TPST2: variants seen among roughly 807,000 people sequenced by gnomAD.
TPST2 encodes the protein tyrosylprotein sulfotransferase 2, also known as protein-tyrosine sulfotransferase 2.
Under a neutral mutation model 27.8 loss-of-function variants are expected in TPST2, and 16 were observed. The observed-to-expected ratio is 0.58, with a 90% CI of 0.39 to 0.88. TPST2 has a LOEUF of 0.88. TPST2 is among the 40% of genes least tolerant of loss of function. The pLI is 0.00. For synonymous variants in TPST2, 229 were observed against 231.7 expected (o/e 0.99, Z 0.10); for missense variants, 464 against 543.1 (o/e 0.85, Z 1.45).
At chr22:26,532,953 C>T (rs1925252554) in intron 4 of TPST2, among the ~76,000 whole-genome samples, 3 of 152,104 alleles carry the variant, frequency 2.0e-5, no homozygotes, top group Non-Finnish European at 4.4e-5. Context: ...AATGGAAATT[C>T]CTGTTCCCCT....
intron 6 of TPST2, among the ~76,000 whole-genome samples, chr22:26,526,923 C>CA (rs1924875207): frequency 6.6e-6 from 1 of 152,054 alleles, no homozygotes; most frequent in South Asian, 2.1e-4. Context: ...ACTAAAAATA[C>CA]AAAAATTAGC....
chr22:26,534,138 A>G (rs1279298531), intron 4 of TPST2, among the ~76,000 whole-genome samples: 1 of 152,098 alleles, frequency 6.6e-6, no homozygotes, highest in Non-Finnish European at 1.5e-5. Flanking sequence ...GGGGCCACAC[A>G]TGGCTAGTGG....
intron 1 of TPST2, among the ~76,000 whole-genome samples, chr22:26,569,648 T>A (rs1927521191): frequency 7.3e-6 from 1 of 136,080 alleles, no homozygotes; most frequent in African/African-American, 2.8e-5. Context: ...CTTTGTCTCC[T>A]AAAAAAAAAG....
chr22:26,557,508 G>A (rs573525231), intron 1 of TPST2, among the ~76,000 whole-genome samples: 7 of 152,262 alleles, frequency 4.6e-5, no homozygotes, highest in Non-Finnish European at 7.4e-5. Flanking sequence ...TGAATCTACC[G>A]ATGAGAAATC....
chr22:26,542,325 A>G (rs919526473), intron 2 of TPST2, among the ~76,000 whole-genome samples: 5 of 151,650 alleles, frequency 3.3e-5, no homozygotes, highest in African/African-American at 9.7e-5. Context: ...GGCTCAAGCA[A>G]TCCTCTGCCT....
chr22:26,556,247 T>C (rs1926786176), intron 1 of TPST2, among the ~76,000 whole-genome samples: 1 of 152,064 alleles, frequency 6.6e-6, no homozygotes, highest in Non-Finnish European at 1.5e-5. Context: ...AAATGTGATA[T>C]AAAAATATGG....
rs2267093 is a variant in TPST2 at position 26,564,817 on chromosome 22, C to T, written c.-160-20142G>A. 3.4e-3 allele frequency among the ~76,000 whole-genome samples: 523 copies of T among 152,276 alleles called. 15 individuals are homozygous for T. The East Asian group carries it at 0.067, about 19-fold the overall frequency. ...CCCTTGATCGAACACTGAGTTATAG[C>T]CATGGAAGGGGTATCCTTGGACCTG... On this transcript the variant is annotated intron_variant, in intron 1 of 6. Coordinates refer to ENST00000338754, the MANE Select transcript of TPST2 (RefSeq NM_003595.5).
chr22:26,549,656 C>CA lies in TPST2; in HGVS notation c.-160-4982dup, dbSNP rs71192939. Among the ~76,000 whole-genome samples, 428 of 58,590 alleles carry CA rather than the reference C, an allele frequency of 7.3e-3. 5 individuals carry two copies. Among genetic ancestry groups the CA allele is most frequent in the Non-Finnish European group, 1.0e-2 (347 of 34,748 alleles). 38.4% of individuals were successfully genotyped at this position (58,590 alleles called of 152,430 possible). On this transcript the variant is annotated intron_variant, in intron 1 of 6. Coordinates refer to ENST00000338754, the MANE Select transcript of TPST2 (RefSeq NM_003595.5). Reference sequence around the variant, plus strand: ...TGGGCGACAGAGCAAGACTCCGTCTCAAAAAAAAAAAAAAAAAAAGAAAAA... The same window carrying CA: ...TGGGCGACAGAGCAAGACTCCGTCTCAAAAAAAAAAAAAAAAAAAAGAAAAA...
At chr22:26,532,281 T>G (rs1925206891) in intron 5 of TPST2, among the ~76,000 whole-genome samples, 1 of 151,960 alleles carries the variant, frequency 6.6e-6, no homozygotes, top group South Asian at 2.1e-4. Context: ...AGCCCTTTAT[T>G]TTTTATTTTT....
rs952379021 is a variant in TPST2, at chr22:26,525,501, A to C, written c.*774T>G. The C allele has an allele frequency of 6.6e-6, 1 of 152,138 alleles. No individual in the cohort carries two copies. The highest frequency in any genetic ancestry group is 1.5e-5 in the Non-Finnish European group (1 of 68,072). 9.4% of individuals were successfully genotyped at this position (152,138 alleles called of 1,614,324 possible). A position where few individuals can be genotyped will look rare whatever the true frequency, so the allele number is the denominator to read the frequency against. On this transcript the variant is annotated 3_prime_UTR_variant, in exon 7 of 7. Transcript: ENST00000338754. The stretch of plus-strand genomic sequence containing the variant: ...AGTGCTGGGATTACAGGCGTGAGCC[A>C]CTCCACCCGGCCTCTTTTGCTGATT...
At chr22:26,582,370 T>C (rs555901658) in intron 1 of TPST2, among the ~76,000 whole-genome samples, 15 of 152,238 alleles carry the variant, frequency 9.9e-5, no homozygotes, top group African/African-American at 3.1e-4. Context: ...GAGGTTGCAG[T>C]GAGCCGAGGT....
Position 26,528,240 on chromosome 22 carries a change from G to A in TPST2, c.1115C>T (p.Ser372Phe). ...TGGAAATCACGAGCTTCCTAAGTGG[G>A]AGGAGGTGCTGTTCTGGTTCACCTG... ...YFQVNQNSTS[S>F]HLGSS is the part of the protein sequence containing the mutation. Residue 372 changes from serine to phenylalanine, a missense_variant, in exon 6 of 7, where the codon TCC (serine) becomes TTC (phenylalanine). Ser to Phe is a radical substitution (Grantham distance 155, BLOSUM62 -2). Transcript: ENST00000338754. 1 of 1,564,778 alleles carries A rather than the reference G, an allele frequency of 6.4e-7. No individual in the cohort carries two copies. The highest frequency in any genetic ancestry group is 1.9e-5 in the Admixed American group (1 of 53,126).
At position 26,536,341 on chromosome 22, in the gene TPST2, T is replaced by TG; in HGVS notation, c.987_988insC (p.Asn330GlnfsTer9). 6.2e-7 allele frequency: 1 copy of TG among 1,614,112 alleles called. No homozygotes were observed. The highest frequency in any genetic ancestry group is 8.5e-7 in the Non-Finnish European group (1 of 1,179,968). Reference sequence around the variant, plus strand: ...TCAGGGTTGCCATAGTTGGGGGGGTTTGCATAAGGGTCATAGCCGAGCTGA... The same window carrying TG: ...TCAGGGTTGCCATAGTTGGGGGGGTTGTGCATAAGGGTCATAGCCGAGCTGA... On this transcript the variant is annotated frameshift_variant, in exon 4 of 7. Coordinates refer to ENST00000338754, the MANE Select transcript of TPST2 (RefSeq NM_003595.5). LOFTEE classifies it high-confidence loss of function.
chr22:26,570,640 CA>C (rs113418231), intron 1 of TPST2, among the ~76,000 whole-genome samples: 3,112 of 152,116 alleles, frequency 0.02, 125 homozygotes, highest in African/African-American at 0.072. Flanking sequence ...ATCTTGAACC[CA>C]AATCTCTCTC....
At chr22:26,538,441 A>C (rs1925601851) in intron 3 of TPST2, among the ~76,000 whole-genome samples, 1 of 152,236 alleles carries the variant, frequency 6.6e-6, no homozygotes, top group African/African-American at 2.4e-5. Context: ...ATATCAGTAA[A>C]ACTGGAAATA....
intron 1 of TPST2, among the ~76,000 whole-genome samples, chr22:26,588,848 G>T (rs535914156): frequency 1.8e-4 from 27 of 152,260 alleles, no homozygotes; most frequent in Admixed American, 1.5e-3. Flanking sequence ...GAGATGAAAG[G>T]GTTATCACAT....
At chr22:26,540,391 G>A (rs1047477025) in intron 3 of TPST2, among the ~76,000 whole-genome samples, 1 of 152,172 alleles carries the variant, frequency 6.6e-6, no homozygotes, top group African/African-American at 2.4e-5. Flanking sequence ...CTTGAGGCCA[G>A]GAGTTTGAGA....
intron 1 of TPST2, chr22:26,547,469 C>T (rs1448107305): frequency 6.6e-6 from 1 of 152,124 alleles, no homozygotes; most frequent in Non-Finnish European, 1.5e-5. Flanking sequence ...AAAGCAAGGG[C>T]TTTCCATGCC....
intron 3 of TPST2, among the ~76,000 whole-genome samples, chr22:26,537,833 C>T (rs1983566872): frequency 6.6e-6 from 1 of 152,134 alleles, no homozygotes; most frequent in African/African-American, 2.4e-5. Flanking sequence ...CACACACAAA[C>T]GCGCGTCTGC....
Sources: allele counts gnomAD v4.1 joint callset (sites outside exome capture counted in the v4.1 genomes callset), GRCh38; gene constraint gnomAD v4.1.1; transcripts MANE v1.5; gene names NCBI Gene and HGNC (gene_info 2026-07-23, HGNC 2026-07-21).